The following PCDH15 variants were observed in gnomAD, a reference collection of about 807,000 sequenced individuals.
PCDH15 encodes protocadherin-15.
In PCDH15, 129 loss-of-function variants were observed where a neutral mutation model predicts 178.5. The ratio of observed to expected loss-of-function variants is 0.72; its 90% CI spans 0.63 to 0.84. The LOEUF is 0.84. Ranked by LOEUF, PCDH15 falls within the 40% of genes least tolerant of loss-of-function variation. The pLI is 0.00. For synonymous variants in PCDH15, 800 were observed against 732.0 expected (o/e 1.09, Z -1.50); for missense variants, 2,230 against 2,099.9 (o/e 1.06, Z -1.21).
chr10:54,143,612 T>G (rs1464140930), intron 14 of PCDH15, among the ~76,000 whole-genome samples: 1 of 152,216 alleles, frequency 6.6e-6, no homozygotes, highest in African/African-American at 2.4e-5. Flanking sequence ...ATTGATTGCA[T>G]GGACTAAACT....
At chr10:54,500,903 C>T (rs753593381) in intron 3 of PCDH15, among the ~76,000 whole-genome samples, 13 of 151,884 alleles carry the variant, frequency 8.6e-5, no homozygotes, top group East Asian at 5.8e-4. Context: ...GAATACTATG[C>T]GGCCATAAAA....
At chr10:53,947,778 C>T (rs780162150) in intron 23 of PCDH15, among the ~76,000 whole-genome samples, 18 of 152,114 alleles carry the variant, frequency 1.2e-4, no homozygotes, top group South Asian at 6.2e-4. Context: ...CCAAAGAATG[C>T]GTGCTTTCTG....
At chr10:53,979,544 A>C (rs2090452600) in intron 21 of PCDH15, among the ~76,000 whole-genome samples, 1 of 152,160 alleles carries the variant, frequency 6.6e-6, no homozygotes, top group South Asian at 2.1e-4. Context: ...TCAATCTATA[A>C]CCTATAAATA....
chr10:54,736,958 AC>A (rs1944208946), intron 1 of PCDH15, among the ~76,000 whole-genome samples: 1 of 151,918 alleles, frequency 6.6e-6, no homozygotes, highest in Non-Finnish European at 1.5e-5. Flanking sequence ...TCCAGGGGGG[AC>A]AAAATCATAG....
intron 2 of PCDH15, among the ~76,000 whole-genome samples, chr10:55,524,925 A>G (rs1841269847): frequency 6.6e-6 from 1 of 151,854 alleles, no homozygotes; most frequent in Admixed American, 6.6e-5. Context: ...TTTTAAACAG[A>G]TGAAACTAAA....
chr10:55,087,306 A>G (rs1170105416), intron 2 of PCDH15, among the ~76,000 whole-genome samples: 5 of 152,132 alleles, frequency 3.3e-5, no homozygotes, highest in African/African-American at 1.2e-4. Flanking sequence ...CAGGAATTCT[A>G]AAAGGAATTC....
chr10:55,301,793 A>T (rs1370340760), intron 1 of PCDH15, among the ~76,000 whole-genome samples: 1 of 152,090 alleles, frequency 6.6e-6, no homozygotes, highest in Non-Finnish European at 1.5e-5. Context: ...GTTGAAATTC[A>T]TTTTATTATA....
chr10:55,599,533 A>G (rs1843021949), intron 2 of PCDH15: 1 of 154,382 alleles, frequency 6.5e-6, no homozygotes, highest in Non-Finnish European at 1.4e-5. Flanking sequence ...CTAATATTAC[A>G]TTGGACTAAT....
intron 2 of PCDH15, among the ~76,000 whole-genome samples, chr10:55,565,116 T>C (rs1174344730): frequency 1.3e-5 from 2 of 151,692 alleles, no homozygotes; most frequent in African/African-American, 4.8e-5. Context: ...AAATTACATC[T>C]CAATAGGTTT....
intron 2 of PCDH15, among the ~76,000 whole-genome samples, chr10:54,933,162 G>T (rs980391613): frequency 2.8e-4 from 42 of 151,976 alleles, no homozygotes; most frequent in African/African-American, 9.4e-4. Flanking sequence ...ATCTAGGTTT[G>T]TGTAAGTACA....
At chr10:54,600,496 A>G in intron 2 of PCDH15, 1 of 577,124 alleles carries the variant, frequency 1.7e-6, no homozygotes, top group Admixed American at 1.9e-5. Context: ...AGTGGTGGTG[A>G]CCAAAATAGT....
At chr10:55,359,244 A>C (rs898683396) in intron 2 of PCDH15, among the ~76,000 whole-genome samples, 1 of 151,932 alleles carries the variant, frequency 6.6e-6, no homozygotes, top group Non-Finnish European at 1.5e-5. Context: ...TGGCACAAGT[A>C]TACTAAAATC....
intron 1 of PCDH15, among the ~76,000 whole-genome samples, chr10:55,173,417 T>G (rs568407429): frequency 1.3e-5 from 2 of 150,444 alleles, no homozygotes; most frequent in African/African-American, 4.9e-5. Flanking sequence ...ATGTAAAAAT[T>G]TATATGCCCA....
chr10:55,022,013 T>C (rs1840342688), intron 2 of PCDH15, among the ~76,000 whole-genome samples: 1 of 152,070 alleles, frequency 6.6e-6, no homozygotes, highest in Non-Finnish European at 1.5e-5. Context: ...AGTAGAATGA[T>C]AGCTACCAGA....
At chr10:55,355,068 T>G (rs886086140) in intron 2 of PCDH15, among the ~76,000 whole-genome samples, 3 of 152,062 alleles carry the variant, frequency 2.0e-5, no homozygotes, top group African/African-American at 4.8e-5. Flanking sequence ...ACCCAAGATG[T>G]TATATTTATA....
chr10:54,036,545 A>G (rs1476697895), intron 18 of PCDH15, among the ~76,000 whole-genome samples: 1 of 151,932 alleles, frequency 6.6e-6, no homozygotes, highest in African/African-American at 2.4e-5. Context: ...TAGTTTAGCA[A>G]GTATTTTAAG....
At chr10:55,051,749 T>C (rs986257293) in intron 2 of PCDH15, among the ~76,000 whole-genome samples, 1 of 152,202 alleles carries the variant, frequency 6.6e-6, no homozygotes, top group Non-Finnish European at 1.5e-5. Flanking sequence ...CAAAGTCAGA[T>C]AGTGACAGAG....
chr10:54,086,693 G>A lies in PCDH15; in HGVS notation c.1997+3291C>T, dbSNP rs532154777. 1.5e-4 allele frequency among the ~76,000 whole-genome samples: 23 copies of A among 152,206 alleles called. 2 individuals are homozygous for A. The South Asian group carries it at 4.8e-3, about 32-fold the overall frequency. On this transcript the variant is annotated intron_variant, in intron 16 of 37. Coordinates refer to ENST00000644397, the MANE Select transcript of PCDH15 (RefSeq NM_001384140.1). ...GTGACCATAGGATAGAAGGCAAAGGGCCCAGTGTACAGGACCCTGAATCAA... is the reference window on the plus strand; with the variant it reads ...GTGACCATAGGATAGAAGGCAAAGGACCCAGTGTACAGGACCCTGAATCAA...
At chr10:54,416,343 T>C (rs1954384932) in intron 3 of PCDH15, among the ~76,000 whole-genome samples, 1 of 152,082 alleles carries the variant, frequency 6.6e-6, no homozygotes, top group Non-Finnish European at 1.5e-5. Context: ...TTCTCATTGT[T>C]CAACCCCCAC....
Sources: allele counts gnomAD v4.1 joint callset (sites outside exome capture counted in the v4.1 genomes callset), GRCh38; gene constraint gnomAD v4.1.1; transcripts MANE v1.5; gene names NCBI Gene and HGNC (gene_info 2026-07-23, HGNC 2026-07-21).